The following ABCA5 variants were observed in gnomAD, a reference collection of about 807,000 sequenced individuals.
ABCA5 encodes cholesterol transporter ABCA5.
A neutral mutation model predicts 206.0 loss-of-function variants in ABCA5; 163 were observed. The observed-to-expected ratio is 0.79, with a 90% CI of 0.70 to 0.90. The LOEUF (loss-of-function observed/expected upper bound fraction) is 0.90, where lower values mean the gene tolerates loss of function less well. ABCA5 is among the 40% of genes least tolerant of loss of function. ABCA5 has a pLI of 0.00. For synonymous variants in ABCA5, 609 were observed against 613.8 expected (o/e 0.99, Z 0.11); for missense variants, 1,859 against 1,912.9 (o/e 0.97, Z 0.53).
intron 6 of ABCA5, among the ~76,000 whole-genome samples, 172 bp from the exon 7 acceptor site, chr17:69,304,982 A>AAT (rs3053347): frequency 0.97 from 148,053 of 152,238 alleles, 72,132 homozygotes; most frequent in Middle Eastern, 1. Context: ...AGTAATTAAA[A>AAT]ATAGTATTGG....
intron 18 of ABCA5, among the ~76,000 whole-genome samples, 186 bp downstream of exon 18, chr17:69,283,767 C>T (rs540090464): frequency 2.0e-5 from 3 of 152,186 alleles, no homozygotes; most frequent in South Asian, 2.1e-4. Flanking sequence ...AATCTAAGTT[C>T]GCTGCCTTCT....
chr17:69,297,089 T>C, intron 10 of ABCA5, 102 bp downstream of exon 10: 1 of 1,135,796 alleles, frequency 8.8e-7, no homozygotes, highest in Non-Finnish European at 1.2e-6. Context: ...ATGGCATATG[T>C]ACCAAATCTA....
intron 28 of ABCA5, 87 bp from the exon 29 acceptor site, chr17:69,256,370 T>G: frequency 1.3e-6 from 1 of 789,662 alleles, no homozygotes; most frequent in South Asian, 3.1e-5. Flanking sequence ...GAGAAAAGAC[T>G]GAAAAAATAC....
In ABCA5 at chr17:69,306,846, T is replaced by C. The variant is rs200016446; in HGVS notation, c.667A>G (p.Ile223Val). ...GGTGAAAATGCTATAACTAGGTATATTAAAATTACTCCTCGGGGAAAGGTA... is the reference window on the plus strand; with the variant it reads ...GGTGAAAATGCTATAACTAGGTATACTAAAATTACTCCTCGGGGAAAGGTA... ...IDTFPRGVILIYLVIAFSPFG... is the reference protein window; with the variant it reads ...IDTFPRGVILVYLVIAFSPFG... The change falls in exon 6 of 39, where the codon ATA (isoleucine) becomes GTA (valine). Residue 223 changes from isoleucine to valine, a missense_variant. Ile to Val is a conservative substitution (Grantham distance 29). Transcript: ENST00000392676. 66 of 1,605,146 alleles carry C rather than the reference T, an allele frequency of 4.1e-5. No homozygotes were observed. In the East Asian group the frequency reaches 1.4e-3, roughly 33 times the overall value.
At chr17:69,252,749 A>C (rs2075030444) in intron 34 of ABCA5, among the ~76,000 whole-genome samples, 1 of 151,608 alleles carries the variant, frequency 6.6e-6, no homozygotes, top group Non-Finnish European at 1.5e-5. Context: ...AGGCAGGAGA[A>C]TCGCTTCAGC....
intron 9 of ABCA5, 40 bp from the exon 10 acceptor site, chr17:69,297,399 G>C: frequency 6.5e-7 from 1 of 1,538,368 alleles, no homozygotes; most frequent in East Asian, 2.3e-5. Context: ...ACCATAATTA[G>C]TTTTTAAATC....
Position 69,246,617 on chromosome 17 carries a change from AG to A in ABCA5, c.*919del, listed in dbSNP as rs1231881621. 1 of 151,966 alleles carries A rather than the reference AG, an allele frequency of 6.6e-6. No individual in the cohort carries two copies. The highest frequency in any genetic ancestry group is 1.5e-5 in the Non-Finnish European group (1 of 67,826). The allele number at this position is 151,966 out of a possible 1,614,324, so 9.4% of individuals were successfully genotyped here. On this transcript the variant is annotated 3_prime_UTR_variant, in exon 39 of 39. Coordinates refer to ENST00000392676, the MANE Select transcript of ABCA5 (RefSeq NM_172232.4). ...ACTGATCTACTTACAATTTTATAGA[AG>A]AGATTCACTAAAGTTTACCAATAAA... is the stretch of plus-strand genomic sequence containing the variant.
At chr17:69,308,131 A>AATT in intron 5 of ABCA5, 149 bp downstream of exon 5, 1 of 385,134 alleles carries the variant, frequency 2.6e-6, no homozygotes, top group South Asian at 9.7e-5. Flanking sequence ...AGAAAATATG[A>AATT]CTTTTTTATC....
intron 35 of ABCA5, 103 bp from the exon 36 acceptor site, chr17:69,250,724 T>G: frequency 1.2e-6 from 1 of 815,624 alleles, no homozygotes; most frequent in Non-Finnish European, 1.8e-6. Flanking sequence ...CCTTTATATT[T>G]AGAGAAAAAT....
intron 18 of ABCA5, among the ~76,000 whole-genome samples, chr17:69,282,966 T>C (rs2144965531): frequency 6.8e-6 from 1 of 146,200 alleles, no homozygotes; most frequent in Non-Finnish European, 1.5e-5. Flanking sequence ...ATAACCCAAA[T>C]ATCTGTTCTT....
intron 37 of ABCA5, 163 bp from the exon 38 acceptor site, chr17:69,248,480 C>T (rs1449300175): frequency 3.9e-6 from 2 of 514,338 alleles, no homozygotes; most frequent in South Asian, 2.5e-5. Flanking sequence ...TTTCTCTTCC[C>T]CACACCTATA....
At chr17:69,297,512 T>C (rs753752893) in intron 9 of ABCA5, among the ~76,000 whole-genome samples, 153 bp from the exon 10 acceptor site, 1 of 152,194 alleles carries the variant, frequency 6.6e-6, no homozygotes, top group African/African-American at 2.4e-5. Context: ...ACAATAAATA[T>C]ATACAATTTT....
chr17:69,269,614 C>A (rs947814297), intron 22 of ABCA5, among the ~76,000 whole-genome samples: 6 of 152,226 alleles, frequency 3.9e-5, no homozygotes, highest in Non-Finnish European at 5.9e-5. Context: ...ATAAGCATTA[C>A]TCATAATAGC....
chr17:69,322,454 C>T (rs900688473), intron 1 of ABCA5, among the ~76,000 whole-genome samples: 3 of 147,126 alleles, frequency 2.0e-5, no homozygotes, highest in Admixed American at 1.4e-4. Flanking sequence ...TAAAAATGTA[C>T]ATAACCTTTA....
intron 9 of ABCA5, among the ~76,000 whole-genome samples, chr17:69,299,687 G>C (rs1245346891): frequency 6.6e-6 from 1 of 151,894 alleles, no homozygotes; most frequent in African/African-American, 2.4e-5. Flanking sequence ...AATGGATTAT[G>C]GGGGCTCAGG....
At chr17:69,317,399 CA>C (rs1168274624) in intron 1 of ABCA5, among the ~76,000 whole-genome samples, 22,811 of 74,092 alleles carry the variant, frequency 0.31, 816 homozygotes, top group East Asian at 0.42. Context: ...GACTCTGTCT[CA>C]AAAAAAAAAA....
chr17:69,253,888 A>C lies in ABCA5; in HGVS notation c.4245-19T>G, dbSNP rs765277040. 7 of 1,579,988 alleles carry C rather than the reference A, an allele frequency of 4.4e-6. No individual in the cohort carries two copies. The East Asian group carries it at 1.3e-4, about 30-fold the overall frequency. On this transcript the variant is annotated intron_variant, in intron 32 of 38. Transcript: ENST00000392676. ...TGTTATTCTGCAAAATGAACAATACAAAATGAGAATACCATGATATATATA... is the reference window on the plus strand; with the variant it reads ...TGTTATTCTGCAAAATGAACAATACCAAATGAGAATACCATGATATATATA...
intron 19 of ABCA5, among the ~76,000 whole-genome samples, chr17:69,277,327 C>G (rs2075343938): frequency 6.6e-6 from 1 of 152,026 alleles, no homozygotes; most frequent in Non-Finnish European, 1.5e-5. Context: ...TTCAAGGAAA[C>G]TTGAATCTGT....
Position 69,294,735 on chromosome 17 carries a change from T to C in ABCA5, c.1437-22A>G, listed in dbSNP as rs751705201. On this transcript the variant is annotated intron_variant, in intron 10 of 38. Transcript: ENST00000392676. ...AATTCTGAAATATAAAGTTTTATATTTTAAGTATTTAAAGCAATTTATAAG... is the reference window on the plus strand; with the variant it reads ...AATTCTGAAATATAAAGTTTTATATCTTAAGTATTTAAAGCAATTTATAAG... 3.3e-6 allele frequency: 5 copies of C among 1,517,260 alleles called. No homozygotes were observed. The South Asian group carries it at 5.9e-5, about 18-fold the overall frequency. 94.0% of individuals were successfully genotyped at this position (1,517,260 alleles called of 1,614,324 possible). A position where few individuals can be genotyped will look rare whatever the true frequency, so the allele number is the denominator to read the frequency against.
Sources: gnomAD v4.1 joint callset for allele counts (sites outside exome capture counted in the v4.1 genomes callset) on GRCh38, gnomAD v4.1.1 for gene constraint, MANE v1.5 for transcripts, NCBI Gene and HGNC (gene_info 2026-07-23, HGNC 2026-07-21) for gene names.